The following FSTL4 variants were observed in gnomAD, a reference collection of about 807,000 sequenced individuals.
FSTL4 encodes the protein follistatin like 4, also known as follistatin-related protein 4.
Under a neutral mutation model 78.2 loss-of-function variants are expected in FSTL4, and 28 were observed. The observed-to-expected ratio is 0.36, with a 90% CI of 0.27 to 0.49. The LOEUF (loss-of-function observed/expected upper bound fraction) is 0.49, where lower values mean the gene tolerates loss of function less well. Ranked by LOEUF, FSTL4 falls within the 20% of genes least tolerant of loss-of-function variation. The pLI is 0.98. For synonymous variants in FSTL4, 422 were observed against 440.5 expected, an observed-to-expected ratio of 0.96 and a Z score of 0.53; for missense variants, 922 against 1,084.9, an observed-to-expected ratio of 0.85 and a Z score of 2.11.
At chr5:133,687,382 C>T in the FSTL4 span, among the ~76,000 whole-genome samples, 1 of 152,146 alleles carries the variant, frequency 6.6e-6, no homozygotes, top group African/African-American at 2.4e-5. Flanking sequence ...CACTCTGTGG[C>T]GTGAGGCTAA....
At chr5:133,387,847 G>A (rs1755738219) in intron 4 of FSTL4, 1 of 151,958 alleles carries the variant, frequency 6.6e-6, no homozygotes, top group South Asian at 2.1e-4. Flanking sequence ...CCCGACCGTA[G>A]GTCGAACACG....
intron 4 of FSTL4, among the ~76,000 whole-genome samples, chr5:133,368,885 CT>C (rs1299650115): frequency 6.6e-6 from 1 of 152,238 alleles, no homozygotes; most frequent in Non-Finnish European, 1.5e-5. Flanking sequence ...TCTAATAATT[CT>C]ATTTCACTGA....
intron 10 of FSTL4, among the ~76,000 whole-genome samples, chr5:133,224,947 A>G (rs1450467973): frequency 6.6e-6 from 1 of 152,142 alleles, no homozygotes; most frequent in Non-Finnish European, 1.5e-5. Context: ...GTCTGTTTCC[A>G]GAGTTGTCTA....
chr5:133,258,775 G>C (rs953036535), intron 6 of FSTL4, among the ~76,000 whole-genome samples: 4 of 152,176 alleles, frequency 2.6e-5, no homozygotes, highest in African/African-American at 9.7e-5. Flanking sequence ...ATAGCAGCTG[G>C]TGTTAATTAC....
At position 133,400,924 on chromosome 5, in the gene FSTL4, G is replaced by T. The variant is rs140375656; in HGVS notation, c.223C>A (p.Arg75=). 6.2e-7 allele frequency: 1 copy of T among 1,613,402 alleles called. No homozygotes were observed. The highest frequency in any genetic ancestry group is 8.5e-7 in the Non-Finnish European group (1 of 1,179,976). Residue 75 remains arginine, a synonymous_variant, in exon 4 of 16, where the codon CGG becomes AGG. Transcript: ENST00000265342. ...CCTGTCTTCCTGCTGAGCACGCACC[G>T]GCTCCCTCGGCTGCAGAACTTCTTC... is the stretch of plus-strand genomic sequence containing the variant. ...CGKKFCSRGS[R]CVLSRKTGEP...
chr5:133,668,167 C>T, the FSTL4 span, among the ~76,000 whole-genome samples: 2 of 152,170 alleles, frequency 1.3e-5, no homozygotes, highest in African/African-American at 2.4e-5. Flanking sequence ...CTCCTGGGCT[C>T]GCTGCACAGG....
At position 133,611,729 on chromosome 5, in the gene FSTL4, A is replaced by G. The variant is rs1190091299; in HGVS notation, c.-11+596T>C. ...CTGATTCCTTCCTCCCCAGCCTCAC[A>G]TGCGGCGGACCCCGGGGAAGCCAGG... On this transcript the variant is annotated intron_variant, in intron 1 of 15. Coordinates refer to ENST00000265342, the MANE Select transcript of FSTL4 (RefSeq NM_015082.2). This position sits in a 1 kb window ranked among gnomAD's most constrained non-coding sequence, Gnocchi z 4.9. 1.3e-5 allele frequency among the ~76,000 whole-genome samples: 2 copies of G among 152,038 alleles called. No individual in the cohort carries two copies. The highest frequency in any genetic ancestry group is 1.5e-5 in the Non-Finnish European group (1 of 67,988).
the FSTL4 span, among the ~76,000 whole-genome samples, chr5:133,698,513 C>T: frequency 1.8e-3 from 273 of 152,324 alleles, 2 homozygotes; most frequent in African/African-American, 6.4e-3. Flanking sequence ...CATGATGGAG[C>T]CGTTGTGACT....
the FSTL4 span, among the ~76,000 whole-genome samples, chr5:133,764,584 A>G: frequency 6.9e-6 from 1 of 145,410 alleles, no homozygotes; most frequent in Non-Finnish European, 1.5e-5. Context: ...ACAGGCACAT[A>G]AAACCATGTG....
chr5:133,563,772 T>C (rs1759971198), intron 3 of FSTL4, among the ~76,000 whole-genome samples: 2 of 151,048 alleles, frequency 1.3e-5, no homozygotes, highest in South Asian at 4.2e-4. Flanking sequence ...GAAAACCAAG[T>C]TTGGAAAATG....
the FSTL4 span, among the ~76,000 whole-genome samples, chr5:133,772,139 T>C: frequency 6.6e-6 from 1 of 152,190 alleles, no homozygotes; most frequent in African/African-American, 2.4e-5. Context: ...ATATAATGCA[T>C]CTAGATGTCT....
At chr5:133,296,750 G>A (rs935977484) in intron 6 of FSTL4, among the ~76,000 whole-genome samples, 2 of 152,142 alleles carry the variant, frequency 1.3e-5, no homozygotes, top group Non-Finnish European at 2.9e-5. Flanking sequence ...TGTAATCTAC[G>A]CATCCATTGT....
At chr5:133,353,464 G>A (rs1754873914) in intron 4 of FSTL4, among the ~76,000 whole-genome samples, 1 of 152,178 alleles carries the variant, frequency 6.6e-6, no homozygotes, top group Non-Finnish European at 1.5e-5. Flanking sequence ...ACCCCCAAAA[G>A]AGGCCCCAGG....
chr5:133,678,606 G>T, the FSTL4 span, among the ~76,000 whole-genome samples: 2 of 151,954 alleles, frequency 1.3e-5, no homozygotes, highest in African/African-American at 4.8e-5. Context: ...GTCCAGTTTT[G>T]GACATGCTCA....
At chr5:133,297,436 A>T (rs1008840165) in intron 6 of FSTL4, among the ~76,000 whole-genome samples, 2 of 152,150 alleles carry the variant, frequency 1.3e-5, no homozygotes, top group Non-Finnish European at 2.9e-5. Context: ...TGCTGGAGCC[A>T]TCATGCATGG....
chr5:133,459,316 C>G (rs769503733), intron 3 of FSTL4, among the ~76,000 whole-genome samples: 1 of 152,004 alleles, frequency 6.6e-6, no homozygotes. Context: ...GCCCTTCCTC[C>G]AAAGCAGTGG....
intron 6 of FSTL4, among the ~76,000 whole-genome samples, chr5:133,310,191 GC>G (rs11364256): frequency 0.15 from 22,667 of 152,170 alleles, 1,836 homozygotes; most frequent in African/African-American, 0.19. Context: ...TTCCTTAATG[GC>G]TGTGAGTTTA....
the FSTL4 span, among the ~76,000 whole-genome samples, chr5:133,810,412 CA>C: frequency 1.2e-4 from 18 of 152,224 alleles, no homozygotes; most frequent in Admixed American, 1.2e-3. Flanking sequence ...CCTCAAACAC[CA>C]CCTTTATCTC....
the FSTL4 span, among the ~76,000 whole-genome samples, chr5:133,776,974 AG>A: frequency 6.6e-6 from 1 of 152,138 alleles, no homozygotes; most frequent in African/African-American, 2.4e-5. Flanking sequence ...AGGGCCATGG[AG>A]AGCCCACCCC....
Sources: gnomAD v4.1 joint callset for allele counts (sites outside exome capture counted in the v4.1 genomes callset) on GRCh38, gnomAD v4.1.1 for gene constraint, Gnocchi (gnomAD v3.1) non-coding constraint, MANE v1.5 for transcripts, NCBI Gene and HGNC (gene_info 2026-07-23, HGNC 2026-07-21) for gene names.